NISCH: variants seen among roughly 807,000 people sequenced by gnomAD.
NISCH encodes the protein nischarin, also known as I-1 receptor candidate protein.
NISCH carries 55 observed loss-of-function variants against 138.4 expected under a neutral mutation model. That is an observed-to-expected ratio of 0.40 (90% CI 0.32 to 0.50). The LOEUF is 0.50. NISCH is among the 20% of genes least tolerant of loss of function. The probability of loss-of-function intolerance (pLI) is 0.71; values close to 1 mark genes in which losing one functional copy is unlikely to be tolerated. For missense variants in NISCH, 1,643 were observed against 2,005.5 expected (o/e 0.82, Z 3.45); for synonymous variants, 860 against 861.5 (o/e 1.00, Z 0.03).
chr3:52,492,220 G>A lies in NISCH; in HGVS notation c.4253G>A (p.Arg1418Gln), dbSNP rs777028928. The A allele has an allele frequency of 8.7e-6, 14 of 1,613,028 alleles. No individual in the cohort carries two copies. Among genetic ancestry groups the A allele is most frequent in the African/African-American group, 4.0e-5 (3 of 74,952 alleles). Residue 1418 changes from arginine (R) to glutamine (Q), a missense_variant, in exon 21 of 21, where the codon CGA becomes CAA. Coordinates refer to ENST00000345716, the MANE Select transcript of NISCH (RefSeq NM_007184.4). ...DDGRRVRDLD[R>Q]VLMGYQTYPQ... ...GGCCGCCGCGTCCGGGACCTGGACC[G>A]AGTGCTCATGGGCTACCAGACCTAC...
intron 8 of NISCH, 74 bp from the exon 9 acceptor site, chr3:52,477,500 C>T (rs1445858223): frequency 1.2e-5 from 15 of 1,294,894 alleles, no homozygotes; most frequent in East Asian, 9.2e-5. Context: ...CTGGGGTGCC[C>T]GTCCACTGTG....
Position 52,489,672 on chromosome 3 carries a change from T to C in NISCH, c.3450T>C (p.Ile1150=). Residue 1150 remains isoleucine (I), a synonymous_variant, in exon 17 of 21, where the codon ATT becomes ATC. Transcript: ENST00000345716. The stretch of plus-strand genomic sequence containing the variant: ...TCATCGAGCTCTTCCACAGCAGCAT[T>C]GCTGAGGTAGCGGCCCGGGTGTGGG... The part of the protein sequence containing the change: ...SAIIELFHSS[I]AEVENEELRH... 3 of 1,611,630 alleles carry C rather than the reference T, an allele frequency of 1.9e-6. No individual in the cohort carries two copies. In the East Asian group the frequency reaches 6.7e-5, roughly 36 times the overall value.
chr3:52,481,775 T>A (rs1016726236), intron 13 of NISCH: 2 of 985,414 alleles, frequency 2.0e-6, no homozygotes, highest in African/African-American at 3.5e-5. Context: ...CTGCACCAGC[T>A]CAGCCCCCTC....
At chr3:52,482,045 G>T (rs929755119) in intron 13 of NISCH, 5 of 422,576 alleles carry the variant, frequency 1.2e-5, no homozygotes, top group Non-Finnish European at 1.6e-5. Flanking sequence ...TCCAGGACGG[G>T]AGCAGATAGA....
chr3:52,490,238 A>C lies in NISCH; in HGVS notation c.3613+7A>C, dbSNP rs771124263. 1.9e-6 allele frequency: 3 copies of C among 1,611,528 alleles called. No homozygotes were observed. The highest frequency in any genetic ancestry group is 2.5e-6 in the Non-Finnish European group (3 of 1,179,884). On this transcript the variant is annotated splice_region_variant and intron_variant, in intron 18 of 20. Transcript: ENST00000345716. Reference sequence around the variant, plus strand: ...TTCTCAGAGCCACTGCAGGGTAGGCACAGGGCCTGCTGGGGCTCAGGAGCT... The same window carrying C: ...TTCTCAGAGCCACTGCAGGGTAGGCCCAGGGCCTGCTGGGGCTCAGGAGCT...
At chr3:52,459,739 C>T (rs1380818930) in intron 3 of NISCH, among the ~76,000 whole-genome samples, 1 of 151,774 alleles carries the variant, frequency 6.6e-6, no homozygotes, top group Non-Finnish European at 1.5e-5. Flanking sequence ...TGGCCAAAAC[C>T]ACAATATTAA....
intron 4 of NISCH, chr3:52,471,468 A>G: frequency 2.6e-6 from 1 of 382,692 alleles, no homozygotes. Context: ...GGGTGTTTGC[A>G]TTTCGGAGGT....
intron 13 of NISCH, chr3:52,481,278 A>C (rs1374884218): frequency 3.8e-6 from 4 of 1,047,482 alleles, no homozygotes; most frequent in Non-Finnish European, 4.6e-6. Context: ...GGACAGGAAG[A>C]CTGGGCAGGA....
chr3:52,456,182 G>A (rs1429637510), intron 1 of NISCH, among the ~76,000 whole-genome samples: 1 of 152,136 alleles, frequency 6.6e-6, no homozygotes, highest in Non-Finnish European at 1.5e-5. Flanking sequence ...CTTGAAGAAA[G>A]AGAAGGCGTC....
intron 3 of NISCH, among the ~76,000 whole-genome samples, chr3:52,468,945 C>G (rs967593867): frequency 1.3e-5 from 2 of 151,746 alleles, no homozygotes; most frequent in Non-Finnish European, 2.9e-5. Flanking sequence ...AATGAAAAAC[C>G]TCTGTCAGAA....
In NISCH at chr3:52,488,461, A is replaced by G. The variant is rs1226013784; in HGVS notation, c.2969A>G (p.Glu990Gly). ...ACTGCCATCTTCGTGCTGCCCCACG[A>G]GAAGTTCCACTTCCTGCGCGTCTAC... Reference protein sequence around the residue: ...FVTAIFVLPHEKFHFLRVYNQ... With the variant: ...FVTAIFVLPHGKFHFLRVYNQ... The change falls in exon 16 of 21, where the codon GAG becomes GGG. Residue 990 changes from glutamate (E) to glycine (G), a missense_variant. By Grantham distance (98) the Glu-to-Gly change is moderately conservative. Transcript: ENST00000345716. 1 of 1,613,494 alleles carries G rather than the reference A, an allele frequency of 6.2e-7. No individual in the cohort carries two copies. The highest frequency in any genetic ancestry group is 1.7e-5 in the Admixed American group (1 of 60,012).
At position 52,487,152 on chromosome 3, in the gene NISCH, G is replaced by A. The variant is rs1392873328; in HGVS notation, c.1704-44G>A. The stretch of plus-strand genomic sequence containing the variant: ...AGATGTGGCAGGTGGGAGGTGGGAG[G>A]GGCCCCTCCCAGCATGCCACTGACC... On this transcript the variant is annotated intron_variant, in intron 15 of 20. Coordinates refer to ENST00000345716, the MANE Select transcript of NISCH (RefSeq NM_007184.4). This position sits in a 1 kb window ranked among gnomAD's most constrained non-coding sequence, Gnocchi z 9.1. The A allele has an allele frequency of 6.4e-7, 1 of 1,570,406 alleles. No individual in the cohort carries two copies.
At chr3:52,483,818 A>G (rs1192249345) in intron 13 of NISCH, among the ~76,000 whole-genome samples, 2 of 152,222 alleles carry the variant, frequency 1.3e-5, no homozygotes. Flanking sequence ...CCAGGAGTGA[A>G]CACATTTCAG....
rs149163189 is a variant in NISCH, at chr3:52,492,378, G to T, written c.4411G>T (p.Val1471Leu). 1.5e-5 allele frequency: 24 copies of T among 1,613,292 alleles called. No homozygotes were observed. Among genetic ancestry groups the T allele is most frequent in the Non-Finnish European group, 2.0e-5 (24 of 1,180,034 alleles). The stretch of plus-strand genomic sequence containing the variant: ...CCAGGGCCGTGAAGTCCAGTGGCAG[G>T]TGTTTGTCCCCAGTGCTGAGAGCAG... Reference protein sequence around the residue: ...ASQGREVQWQVFVPSAESREK... With the variant: ...ASQGREVQWQLFVPSAESREK... Residue 1471 changes from valine to leucine, a missense_variant, in exon 21 of 21, where the codon GTG (valine) becomes TTG (leucine). Val to Leu is a conservative substitution (Grantham distance 32, BLOSUM62 1). Coordinates refer to ENST00000345716, the MANE Select transcript of NISCH (RefSeq NM_007184.4).
At chr3:52,490,678 C>G in intron 18 of NISCH, 27 bp from the exon 19 acceptor site, 1 of 1,614,030 alleles carries the variant, frequency 6.2e-7, no homozygotes, top group Non-Finnish European at 8.5e-7. Flanking sequence ...GCCACCGCCT[C>G]CCTCTGTCCC....
At chr3:52,489,926 C>T (rs1036354477) in intron 17 of NISCH, 149 bp from the exon 18 acceptor site, 101 of 1,224,826 alleles carry the variant, frequency 8.2e-5, no homozygotes, top group Non-Finnish European at 1.0e-4. Context: ...CCATCTCCCA[C>T]CCCTCTCTTC....
intron 16 of NISCH, 151 bp downstream of exon 16, chr3:52,488,756 A>G (rs1707482948): frequency 1.3e-5 from 8 of 593,506 alleles, no homozygotes; most frequent in African/African-American, 1.3e-4. Context: ...CTCCCTCTAC[A>G]TCACCACCCC....
At chr3:52,491,228 G>A (rs1296783649) in intron 19 of NISCH, 124 bp from the exon 20 acceptor site, 2 of 1,413,802 alleles carry the variant, frequency 1.4e-6, no homozygotes, top group South Asian at 1.5e-5. Context: ...ATTCTTTCCT[G>A]TGTGGGCCCT....
At chr3:52,472,530 G>C in intron 6 of NISCH, 132 bp downstream of exon 6, 1 of 767,056 alleles carries the variant, frequency 1.3e-6, no homozygotes, top group South Asian at 1.7e-5. Context: ...CAGGTTCTGC[G>C]TAGGTGACCA....
Sources: allele counts gnomAD v4.1 joint callset (sites outside exome capture counted in the v4.1 genomes callset), GRCh38; gene constraint gnomAD v4.1.1; non-coding constraint Gnocchi (gnomAD v3.1); transcripts MANE v1.5; gene names NCBI Gene and HGNC (gene_info 2026-07-23, HGNC 2026-07-21).